ITPR2: variants seen among roughly 807,000 people sequenced by gnomAD.
ITPR2 encodes inositol 1,4,5-trisphosphate-gated calcium channel ITPR2.
ITPR2 carries 207 observed loss-of-function variants against 317.1 expected under a neutral mutation model. The observed-to-expected ratio is 0.65, with a 90% confidence interval of 0.58 to 0.73. ITPR2 has a LOEUF of 0.73. Among genes scored for constraint, ITPR2 ranks in the 30% least tolerant of loss-of-function variants. ITPR2 has a pLI of 0.00. For missense variants in ITPR2, 2,613 were observed against 3,284.0 expected (o/e 0.80, Z 4.99); for synonymous variants, 1,156 against 1,149.1 (o/e 1.01, Z -0.12).
At chr12:26,436,111 A>C in intron 48 of ITPR2, 110 bp downstream of exon 48, 1 of 1,059,648 alleles carries the variant, frequency 9.4e-7, no homozygotes, top group Non-Finnish European at 1.3e-6. Flanking sequence ...ACTTCCAACA[A>C]GTATAGAAAA....
chr12:26,800,505 G>C (rs1014068612), intron 1 of ITPR2, among the ~76,000 whole-genome samples: 2 of 152,328 alleles, frequency 1.3e-5, no homozygotes, highest in South Asian at 4.1e-4. Context: ...GTACACCCCT[G>C]TAGTCCCAGC....
intron 47 of ITPR2, among the ~76,000 whole-genome samples, chr12:26,436,631 G>A (rs771458458): frequency 4.6e-5 from 7 of 152,184 alleles, no homozygotes; most frequent in Non-Finnish European, 1.0e-4. Context: ...AGGTGATTCT[G>A]TAATAACTCT....
chr12:26,803,364 A>C (rs1950592925), intron 1 of ITPR2, among the ~76,000 whole-genome samples: 1 of 152,138 alleles, frequency 6.6e-6, no homozygotes, highest in Non-Finnish European at 1.5e-5. Context: ...AAGTGCAAAA[A>C]AAAAAAATGT....
intron 26 of ITPR2, among the ~76,000 whole-genome samples, chr12:26,613,368 A>G (rs1946313599): frequency 6.6e-6 from 1 of 152,232 alleles, no homozygotes. Flanking sequence ...CAAAGTGCAG[A>G]GAAATCCCTC....
chr12:26,455,974 AG>A (rs1350281756), intron 45 of ITPR2, among the ~76,000 whole-genome samples: 2 of 152,256 alleles, frequency 1.3e-5, no homozygotes, highest in Non-Finnish European at 2.9e-5. Context: ...ATACTAAGAC[AG>A]AATTCTCCTA....
chr12:26,786,611 T>C (rs1445862868), intron 2 of ITPR2, among the ~76,000 whole-genome samples: 1 of 152,074 alleles, frequency 6.6e-6, no homozygotes, highest in Non-Finnish European at 1.5e-5. Context: ...AAATTGTTTA[T>C]TTGGTAAAAC....
chr12:26,398,698 C>T (rs1940080476), intron 54 of ITPR2, among the ~76,000 whole-genome samples, 178 bp downstream of exon 54: 1 of 152,154 alleles, frequency 6.6e-6, no homozygotes, highest in Admixed American at 6.5e-5. Context: ...TATAATTCCT[C>T]TCTCTATTTA....
intron 55 of ITPR2, among the ~76,000 whole-genome samples, chr12:26,378,778 T>A (rs1267224626): frequency 6.6e-6 from 1 of 152,214 alleles, no homozygotes; most frequent in Non-Finnish European, 1.5e-5. Flanking sequence ...TCGCCTGCAA[T>A]TGTAATAATT....
intron 2 of ITPR2, among the ~76,000 whole-genome samples, chr12:26,775,959 T>TATATATATATACACACACATA (rs1263788006): frequency 6.9e-6 from 1 of 145,088 alleles, no homozygotes; most frequent in Non-Finnish European, 1.5e-5. Flanking sequence ...TATATGTATA[T>TATATATATATACACACACATA]CCTATTAGTT....
intron 9 of ITPR2, among the ~76,000 whole-genome samples, chr12:26,703,397 C>T (rs1282289869): frequency 6.6e-6 from 1 of 152,146 alleles, no homozygotes; most frequent in Non-Finnish European, 1.5e-5. Flanking sequence ...GTACTTCTAC[C>T]TAGTAGGCAT....
intron 26 of ITPR2, among the ~76,000 whole-genome samples, chr12:26,614,251 A>T (rs1310738424): frequency 3.9e-5 from 6 of 152,112 alleles, no homozygotes; most frequent in Non-Finnish European, 8.8e-5. Context: ...CAACAAGGGC[A>T]CAAGATAAGT....
chr12:26,503,190 A>AACACATACAC (rs1943112469), intron 37 of ITPR2, among the ~76,000 whole-genome samples: 1 of 139,122 alleles, frequency 7.2e-6, no homozygotes, highest in Admixed American at 7.3e-5. Context: ...GCCCCCCACC[A>AACACATACAC]ACACACACAC....
intron 45 of ITPR2, among the ~76,000 whole-genome samples, chr12:26,445,531 C>T (rs546293674): frequency 6.1e-5 from 9 of 147,440 alleles, no homozygotes; most frequent in Admixed American, 4.0e-4. Flanking sequence ...CAAAACCCCA[C>T]GCAGCCAGGT....
chr12:26,439,355 G>A (rs2270960), intron 46 of ITPR2, 36 bp from the exon 47 acceptor site: 863,653 of 1,491,874 alleles, frequency 0.58, 253,293 homozygotes, highest in Non-Finnish European at 0.61. Flanking sequence ...TTAGCCTTTC[G>A]GACACCTCAG....
intron 34 of ITPR2, among the ~76,000 whole-genome samples, chr12:26,566,907 T>C (rs894714544): frequency 2.0e-5 from 3 of 152,190 alleles, no homozygotes; most frequent in Non-Finnish European, 2.9e-5. Context: ...TCCTGCACCA[T>C]GATCAAATCC....
chr12:26,444,100 T>G (rs10505999), intron 45 of ITPR2, among the ~76,000 whole-genome samples: 25,634 of 152,118 alleles, frequency 0.17, 3,553 homozygotes, highest in African/African-American at 0.37. Context: ...ACATTAGTAG[T>G]TGGTATAAAG....
intron 9 of ITPR2, among the ~76,000 whole-genome samples, chr12:26,709,430 G>C (rs1362644552): frequency 6.6e-6 from 1 of 152,194 alleles, no homozygotes; most frequent in African/African-American, 2.4e-5. Flanking sequence ...GGATGAAAGA[G>C]AGTCTTTCAA....
chr12:26,795,483 TA>T (rs1271654390), intron 1 of ITPR2, among the ~76,000 whole-genome samples: 1 of 152,040 alleles, frequency 6.6e-6, no homozygotes, highest in Non-Finnish European at 1.5e-5. Context: ...GGACAAAACG[TA>T]AAAGACCGAT....
chr12:26,832,457 T>G (rs1488120654), intron 1 of ITPR2, among the ~76,000 whole-genome samples: 3 of 152,250 alleles, frequency 2.0e-5, no homozygotes, highest in Non-Finnish European at 2.9e-5. Context: ...TCCTTTCTGA[T>G]GTGTCTCTGA....
Sources: gnomAD v4.1 joint callset for allele counts (sites outside exome capture counted in the v4.1 genomes callset) on GRCh38, gnomAD v4.1.1 for gene constraint, MANE v1.5 for transcripts, NCBI Gene and HGNC (gene_info 2026-07-23, HGNC 2026-07-21) for gene names.